The following GBX2 variants were observed in gnomAD, a reference collection of about 807,000 sequenced individuals.
GBX2 encodes the protein gastrulation brain homeobox 2, also known as homeobox protein GBX-2.
A neutral mutation model predicts 22.4 loss-of-function variants in GBX2; 5 were observed. The observed-to-expected ratio is 0.22, with a 90% CI of 0.12 to 0.47. GBX2 has a LOEUF of 0.47. Ranked by LOEUF, GBX2 falls within the 20% of genes least tolerant of loss-of-function variation. GBX2 has a pLI of 0.99. For synonymous variants in GBX2, 220 were observed against 230.5 expected, an observed-to-expected ratio of 0.95 and a Z score of 0.41; for missense variants, 470 against 495.4, an observed-to-expected ratio of 0.95 and a Z score of 0.49.
At chr2:236,164,428 G>A (rs1210462378), downstream of GBX2, among the ~76,000 whole-genome samples, 2 of 152,140 alleles carry the variant, frequency 1.3e-5, no homozygotes, top group Admixed American at 1.3e-4. Flanking sequence ...TTCGGGGTCC[G>A]GCAGCGAGCG....
Position 236,168,015 on chromosome 2 carries a change from GCC to G in GBX2, c.-46_-45del. 7.1e-7 allele frequency: 1 copy of G among 1,407,902 alleles called. No individual in the cohort carries two copies. The highest frequency in any genetic ancestry group is 9.2e-7 in the Non-Finnish European group (1 of 1,081,890). The allele number at this position is 1,407,902 out of a possible 1,614,324, so 87.2% of individuals were successfully genotyped here. A position where few individuals can be genotyped will look rare whatever the true frequency, so the allele number is the denominator to read the frequency against. On this transcript the variant is annotated 5_prime_UTR_variant, in exon 1 of 2. Coordinates refer to ENST00000306318, the MANE Select transcript of GBX2 (RefSeq NM_001485.4). ...CCAGCGAGAGGCGAAAAGTCCCCGC[GCC>G]GCGCCGCCGCCGGGAAGCCCGCCGG...
Position 236,166,256 on chromosome 2 carries a change from G to A in GBX2, c.705C>T (p.Ser235=), listed in dbSNP as rs113681406. Residue 235 remains serine (S), a synonymous_variant, in exon 2 of 2, where the codon AGC becomes AGT. Transcript: ENST00000306318. This position sits in a 1 kb window ranked among gnomAD's most constrained non-coding sequence, Gnocchi z 6.6. ...TAGACGTGGTGCTGCCCGCGGCGCC[G>A]CTGCTCGGCGGGGTCTCCTCCAGCG... ...GHALEETPPS[S]GAAGSTTSTG... 6.2e-7 allele frequency: 1 copy of A among 1,613,598 alleles called. No homozygotes were observed. The highest frequency in any genetic ancestry group is 1.7e-5 in the Admixed American group (1 of 60,016).
In GBX2 at chr2:236,165,789, T is replaced by G; in HGVS notation, c.*125A>C. On this transcript the variant is annotated 3_prime_UTR_variant, in exon 2 of 2. Transcript: ENST00000306318. ...GCCCATTTAGTGAATATATTCTCAA[T>G]TTGCTTGGGATGGCCACAGCTGGGC... The G allele has an allele frequency of 2.6e-6, 2 of 761,192 alleles. No homozygotes were observed. Among genetic ancestry groups the G allele is most frequent in the Non-Finnish European group, 4.3e-6 (2 of 460,700 alleles). The allele number at this position is 761,192 out of a possible 1,614,324, so 47.2% of individuals were successfully genotyped here.
Position 236,167,967 on chromosome 2 carries a change from C to T in GBX2, c.5G>A (p.Ser2Asn). 1 of 1,555,514 alleles carries T rather than the reference C, an allele frequency of 6.4e-7. No individual in the cohort carries two copies. The highest frequency in any genetic ancestry group is 8.7e-7 in the Non-Finnish European group (1 of 1,153,424). Residue 2 changes from serine to asparagine, a missense_variant, in exon 1 of 2, where the codon AGC becomes AAC. Ser to Asn is a conservative substitution (Grantham distance 46). Coordinates refer to ENST00000306318, the MANE Select transcript of GBX2 (RefSeq NM_001485.4). MSAAFPPSLMMM... is the reference protein window; with the variant it reads MNAAFPPSLMMM... ...CATCAGCGACGGCGGGAACGCTGCGCTCATAGACGCGCTCGGTAGAGGCCA... is the reference window on the plus strand; with the variant it reads ...CATCAGCGACGGCGGGAACGCTGCGTTCATAGACGCGCTCGGTAGAGGCCA...
In GBX2 at chr2:236,167,654, G is replaced by A. The variant is rs761947441; in HGVS notation, c.318C>T (p.Ala106=). The A allele has an allele frequency of 6.3e-7, 1 of 1,593,658 alleles. No individual in the cohort carries two copies. Among genetic ancestry groups the A allele is most frequent in the South Asian group, 1.1e-5 (1 of 89,522 alleles). The change falls in exon 1 of 2, where the codon GCC becomes GCT. Residue 106 remains alanine, a synonymous_variant. Coordinates refer to ENST00000306318, the MANE Select transcript of GBX2 (RefSeq NM_001485.4). ...QGMALTSTLM[A]TLPGGFSASP... is the part of the protein sequence containing the mutation. ...ACGCGGAGAAGCCGCCGGGGAGCGT[G>A]GCCATGAGCGTAGAGGTGAGCGCCA...
At chr2:236,164,619 G>A (rs1359754976), downstream of GBX2, among the ~76,000 whole-genome samples, 1 of 152,136 alleles carries the variant, frequency 6.6e-6, no homozygotes, top group Non-Finnish European at 1.5e-5. Context: ...TCCTTGGGGT[G>A]GGGCGGTGCC....
chr2:236,165,135 A>AG (rs1240652480), downstream of GBX2: 1 of 152,170 alleles, frequency 6.6e-6, no homozygotes, highest in Non-Finnish European at 1.5e-5. Flanking sequence ...GACCTGTTTC[A>AG]GGGGACGTTT....
downstream of GBX2, among the ~76,000 whole-genome samples, chr2:236,162,414 C>G (rs1441864560): frequency 1.3e-5 from 2 of 152,374 alleles, no homozygotes; most frequent in East Asian, 3.9e-4. Context: ...ATTTGAGCAG[C>G]TTCCAGTGCA....
At chr2:236,164,105 G>A (rs2060224781), downstream of GBX2, among the ~76,000 whole-genome samples, 1 of 152,210 alleles carries the variant, frequency 6.6e-6, no homozygotes, top group African/African-American at 2.4e-5. Context: ...AGTTTGGGTG[G>A]AGGTCTTGGT....
At chr2:236,161,424 T>C (rs983636225), downstream of GBX2, among the ~76,000 whole-genome samples, 1 of 152,248 alleles carries the variant, frequency 6.6e-6, no homozygotes, top group East Asian at 1.9e-4. Flanking sequence ...AGGTGCTTTA[T>C]TACTCTGCCG....
At chr2:236,163,772 C>T (rs979218382), downstream of GBX2, among the ~76,000 whole-genome samples, 24 of 152,186 alleles carry the variant, frequency 1.6e-4, no homozygotes, top group African/African-American at 5.3e-4. Context: ...GGGTACCTGC[C>T]CCGAGCAGCA....
chr2:236,167,772 T>C lies in GBX2; in HGVS notation c.200A>G (p.Gln67Arg). 1 of 1,438,156 alleles carries C rather than the reference T, an allele frequency of 7.0e-7. No individual in the cohort carries two copies. Among genetic ancestry groups the C allele is most frequent in the South Asian group, 1.6e-5 (1 of 63,816 alleles). The allele number at this position is 1,438,156 out of a possible 1,614,324, so 89.1% of individuals were successfully genotyped here. ...PPPPPPPALP[Q>R]AALQPALPPA... ...CGGCAGCGCTGGCTGCAGCGCGGCC[T>C]GGGGCAGCGCGGGCGGCGGCGGCGG... Residue 67 changes from glutamine (Q) to arginine (R), a missense_variant, in exon 1 of 2, where the codon CAG becomes CGG. Transcript: ENST00000306318.
chr2:236,168,079 C>A lies in GBX2; in HGVS notation c.-108G>T. ...ACCGCCGGGAGCGCCGGGCAGGGGC[C>A]GAGCGGGACCCGGAGAGCAGACGCC... On this transcript the variant is annotated 5_prime_UTR_variant, in exon 1 of 2. Transcript: ENST00000306318. 8.2e-7 allele frequency: 1 copy of A among 1,219,498 alleles called. No homozygotes were observed. The highest frequency in any genetic ancestry group is 1.0e-6 in the Non-Finnish European group (1 of 952,784). 75.5% of individuals were successfully genotyped at this position (1,219,498 alleles called of 1,614,324 possible).
downstream of GBX2, among the ~76,000 whole-genome samples, chr2:236,163,840 G>C (rs2060223475): frequency 6.6e-6 from 1 of 152,228 alleles, no homozygotes; most frequent in African/African-American, 2.4e-5. Flanking sequence ...CCGGCCTTGC[G>C]GCCCCCGCGC....
At position 236,167,546 on chromosome 2, in the gene GBX2, CTCCGCCTTG is replaced by C; in HGVS notation, c.417_425del (p.Asp139_Ala141del). ...CGTCCTCCGCGTCAGCCTGCAGCGCCTCCGCCTTGTCGAAGTTACCGCCGCCGGGCAGCG... is the reference window on the plus strand; with the variant it reads ...CGTCCTCCGCGTCAGCCTGCAGCGCCTCGAAGTTACCGCCGCCGGGCAGCG... On this transcript the variant is annotated inframe_deletion, in exon 1 of 2. Coordinates refer to ENST00000306318, the MANE Select transcript of GBX2 (RefSeq NM_001485.4). 1 of 1,599,592 alleles carries C rather than the reference CTCCGCCTTG, an allele frequency of 6.3e-7. No individual in the cohort carries two copies. Among genetic ancestry groups the C allele is most frequent in the Non-Finnish European group, 8.5e-7 (1 of 1,175,700 alleles).
At chr2:236,164,967 C>T (rs1203109089), downstream of GBX2, among the ~76,000 whole-genome samples, 1 of 152,228 alleles carries the variant, frequency 6.6e-6, no homozygotes, top group Non-Finnish European at 1.5e-5. Flanking sequence ...CCGAAGTTTG[C>T]CGGCCTACTA....
chr2:236,167,143 A>G, intron 1 of GBX2: 5 of 1,535,450 alleles, frequency 3.3e-6, no homozygotes, highest in Non-Finnish European at 4.4e-6. Flanking sequence ...CCTACCCGGA[A>G]CCCCAGGTCA....
downstream of GBX2, among the ~76,000 whole-genome samples, chr2:236,164,057 G>A (rs2060224628): frequency 6.6e-6 from 1 of 152,210 alleles, no homozygotes; most frequent in Non-Finnish European, 1.5e-5. Flanking sequence ...GGCGGGAAAG[G>A]GTGACTCGGT....
At position 236,166,262 on chromosome 2, in the gene GBX2, C is replaced by T; in HGVS notation, c.699G>A (p.Pro233=). ...DPGHALEETP[P]SSGAAGSTTS... is the part of the protein sequence containing the mutation. ...TGGTGCTGCCCGCGGCGCCGCTGCTCGGCGGGGTCTCCTCCAGCGCGTGGC... is the reference window on the plus strand; with the variant it reads ...TGGTGCTGCCCGCGGCGCCGCTGCTTGGCGGGGTCTCCTCCAGCGCGTGGC... Residue 233 remains proline (P), a synonymous_variant, in exon 2 of 2, where the codon CCG becomes CCA. Coordinates refer to ENST00000306318, the MANE Select transcript of GBX2 (RefSeq NM_001485.4). This position sits in a 1 kb window ranked among gnomAD's most constrained non-coding sequence, Gnocchi z 6.6. 2 of 1,613,650 alleles carry T rather than the reference C, an allele frequency of 1.2e-6. No individual in the cohort carries two copies. Among genetic ancestry groups the T allele is most frequent in the South Asian group, 1.1e-5 (1 of 91,084 alleles).
Sources: allele counts gnomAD v4.1 joint callset (sites outside exome capture counted in the v4.1 genomes callset), GRCh38; gene constraint gnomAD v4.1.1; non-coding constraint Gnocchi (gnomAD v3.1); transcripts MANE v1.5; gene names NCBI Gene and HGNC (gene_info 2026-07-23, HGNC 2026-07-21).